Variants in KCNQ3 observed in about 807,000 individuals in gnomAD.
KCNQ3 encodes potassium voltage-gated channel subfamily KQT member 3.
Under a neutral mutation model 92.5 loss-of-function variants are expected in KCNQ3, and 30 were observed. The observed-to-expected ratio is 0.32, with a 90% confidence interval of 0.24 to 0.44. The LOEUF is 0.44. Among genes scored for constraint, KCNQ3 ranks in the 20% least tolerant of loss-of-function variants. KCNQ3 has a pLI of 1.00. For synonymous variants in KCNQ3, 450 were observed against 468.8 expected, an observed-to-expected ratio of 0.96 and a Z score of 0.52; for missense variants, 913 against 1,140.3, an observed-to-expected ratio of 0.80 and a Z score of 2.87.
intron 1 of KCNQ3, among the ~76,000 whole-genome samples, chr8:132,462,477 T>G (rs1425004859): frequency 6.6e-6 from 1 of 152,232 alleles, no homozygotes; most frequent in Admixed American, 6.5e-5. Context: ...CGTGAGCCAC[T>G]GCACCCAGCT....
intron 4 of KCNQ3, among the ~76,000 whole-genome samples, chr8:132,177,744 T>G (rs961764453): frequency 5.9e-5 from 9 of 152,170 alleles, no homozygotes; most frequent in Non-Finnish European, 7.3e-5. Flanking sequence ...CCAGAAGAGT[T>G]AGCCATAGTA....
chr8:132,135,725 C>T (rs568113988), intron 12 of KCNQ3, among the ~76,000 whole-genome samples: 9 of 152,108 alleles, frequency 5.9e-5, no homozygotes, highest in Admixed American at 1.3e-4. Flanking sequence ...TAAATAACAG[C>T]ATGTTAAGCT....
In KCNQ3 at chr8:132,467,499, G is replaced by A. The variant is rs533403096; in HGVS notation, c.386+12648C>T. 2.3e-4 allele frequency among the ~76,000 whole-genome samples: 35 copies of A among 152,294 alleles called. No homozygotes were observed. In the South Asian group the frequency reaches 7.1e-3, roughly 31 times the overall value. On this transcript the variant is annotated intron_variant, in intron 1 of 14. Coordinates refer to ENST00000388996, the MANE Select transcript of KCNQ3 (RefSeq NM_004519.4). Reference sequence around the variant, plus strand: ...TTATAGGACTCTTGGTAGAGAACTAGATGGGAGGCAGGGGAAGGACAGAAA... The same window carrying A: ...TTATAGGACTCTTGGTAGAGAACTAAATGGGAGGCAGGGGAAGGACAGAAA...
At chr8:132,432,826 T>A (rs548586596) in intron 1 of KCNQ3, among the ~76,000 whole-genome samples, 1 of 152,268 alleles carries the variant, frequency 6.6e-6, no homozygotes, top group East Asian at 1.9e-4. Context: ...AGGGCAAGAA[T>A]TAGTAGGATG....
intron 1 of KCNQ3, among the ~76,000 whole-genome samples, chr8:132,213,355 C>A (rs189037252): frequency 1.3e-5 from 2 of 152,290 alleles, no homozygotes; most frequent in Non-Finnish European, 2.9e-5. Flanking sequence ...CTAATTGCTT[C>A]CCCTTTCTTT....
intron 1 of KCNQ3, among the ~76,000 whole-genome samples, chr8:132,350,005 T>C (rs1214226979): frequency 6.6e-6 from 1 of 152,178 alleles, no homozygotes; most frequent in East Asian, 1.9e-4. Context: ...TGGGGAAACA[T>C]GTAATGAATC....
chr8:132,328,581 G>A (rs1818132731), intron 1 of KCNQ3, among the ~76,000 whole-genome samples: 1 of 152,122 alleles, frequency 6.6e-6, no homozygotes, highest in African/African-American at 2.4e-5. Flanking sequence ...GTAGAACACA[G>A]AAAATTATAC....
At chr8:132,217,968 T>A (rs1814096082) in intron 1 of KCNQ3, among the ~76,000 whole-genome samples, 1 of 152,212 alleles carries the variant, frequency 6.6e-6, no homozygotes, top group Non-Finnish European at 1.5e-5. Flanking sequence ...GGAGGTTAAA[T>A]ATTTTCAGTC....
At chr8:132,339,537 G>A (rs1818460523) in intron 1 of KCNQ3, among the ~76,000 whole-genome samples, 2 of 152,156 alleles carry the variant, frequency 1.3e-5, no homozygotes, top group African/African-American at 2.4e-5. Context: ...TGGGGCAGGG[G>A]TGAAACCCCA....
chr8:132,136,952 C>T (rs1000844792), intron 12 of KCNQ3, among the ~76,000 whole-genome samples: 54 of 4,390 alleles, frequency 0.012, no homozygotes, highest in African/African-American at 0.039. Context: ...CAACCTCCGC[C>T]CCCCCAGGTT....
At chr8:132,234,708 T>C (rs1300581512) in intron 1 of KCNQ3, among the ~76,000 whole-genome samples, 1 of 152,194 alleles carries the variant, frequency 6.6e-6, no homozygotes, top group African/African-American at 2.4e-5. Flanking sequence ...ATTAAGTGAT[T>C]TGACTCTGGT....
At position 132,129,234 on chromosome 8, in the gene KCNQ3, A is replaced by G; in HGVS notation, c.*28T>C. Reference sequence around the variant, plus strand: ...GAACTATACAAAGTCTGTCTACATTACAAGGAGGGGTCAGCCAGTGACCTC... The same window carrying G: ...GAACTATACAAAGTCTGTCTACATTGCAAGGAGGGGTCAGCCAGTGACCTC... On this transcript the variant is annotated 3_prime_UTR_variant, in exon 15 of 15. Transcript: ENST00000388996. This position sits in a 1 kb window ranked among gnomAD's most constrained non-coding sequence, Gnocchi z 5.9. The G allele has an allele frequency of 6.2e-7, 1 of 1,604,262 alleles. No individual in the cohort carries two copies. Among genetic ancestry groups the G allele is most frequent in the South Asian group, 1.1e-5 (1 of 91,044 alleles).
chr8:132,245,516 T>C (rs1385064319), intron 1 of KCNQ3, among the ~76,000 whole-genome samples: 1 of 152,200 alleles, frequency 6.6e-6, no homozygotes, highest in African/African-American at 2.4e-5. Flanking sequence ...ATACATTCAT[T>C]GGTCAAAAAA....
At chr8:132,391,377 C>T (rs1385583560) in intron 1 of KCNQ3, among the ~76,000 whole-genome samples, 1 of 152,130 alleles carries the variant, frequency 6.6e-6, no homozygotes, top group Non-Finnish European at 1.5e-5. Flanking sequence ...ACAAAGACAG[C>T]TGTCTCGCTT....
At chr8:132,259,567 C>A (rs1258072550) in intron 1 of KCNQ3, among the ~76,000 whole-genome samples, 1 of 152,118 alleles carries the variant, frequency 6.6e-6, no homozygotes, top group African/African-American at 2.4e-5. Context: ...CGACTGAATT[C>A]TTTGCCCCAC....
At chr8:132,282,449 C>A (rs1324995782) in intron 1 of KCNQ3, among the ~76,000 whole-genome samples, 2 of 152,166 alleles carry the variant, frequency 1.3e-5, no homozygotes, top group African/African-American at 2.4e-5. Context: ...TTTTGGGAGA[C>A]TGAACACAAT....
At chr8:132,246,608 T>G (rs1815189052) in intron 1 of KCNQ3, among the ~76,000 whole-genome samples, 1 of 152,236 alleles carries the variant, frequency 6.6e-6, no homozygotes, top group Non-Finnish European at 1.5e-5. Flanking sequence ...GCTGGAAATA[T>G]TTGATAGATT....
chr8:132,228,222 T>C (rs1285085725), intron 1 of KCNQ3, among the ~76,000 whole-genome samples: 5 of 152,200 alleles, frequency 3.3e-5, no homozygotes, highest in Admixed American at 3.3e-4. Context: ...ATTTCTCAAA[T>C]AGTGGGCCCT....
At chr8:132,187,450 C>T (rs1827006297) in intron 1 of KCNQ3, among the ~76,000 whole-genome samples, 1 of 152,194 alleles carries the variant, frequency 6.6e-6, no homozygotes, top group Non-Finnish European at 1.5e-5. Flanking sequence ...ATTTTCTGAT[C>T]TATAAACCTG....
Sources: gnomAD v4.1 joint callset for allele counts (sites outside exome capture counted in the v4.1 genomes callset) on GRCh38, gnomAD v4.1.1 for gene constraint, Gnocchi (gnomAD v3.1) non-coding constraint, MANE v1.5 for transcripts, NCBI Gene and HGNC (gene_info 2026-07-23, HGNC 2026-07-21) for gene names.